NRXN3: variants seen among roughly 807,000 people sequenced by gnomAD.
NRXN3 encodes neurexin 3, also known as neurexin III.
In NRXN3, 32 loss-of-function variants were observed where a neutral mutation model predicts 137.6. That is an observed-to-expected ratio of 0.23 (90% confidence interval 0.18 to 0.31). NRXN3 has a LOEUF of 0.31. Among genes scored for constraint, NRXN3 ranks in the 10% least tolerant of loss-of-function variants. NRXN3 has a pLI of 1.00. For missense variants in NRXN3, 1,574 were observed against 2,062.5 expected, an observed-to-expected ratio of 0.76 and a Z score of 4.59; for synonymous variants, 798 against 784.5, an observed-to-expected ratio of 1.02 and a Z score of -0.29.
intron 4 of NRXN3, among the ~76,000 whole-genome samples, chr14:78,543,342 C>G (rs73324451): frequency 0.02 from 3,087 of 152,292 alleles, 91 homozygotes; most frequent in African/African-American, 0.067. Context: ...GAGAGGAAGT[C>G]TTGAGCTTTT....
At chr14:78,656,347 T>G (rs2097784705) in intron 6 of NRXN3, among the ~76,000 whole-genome samples, 1 of 151,932 alleles carries the variant, frequency 6.6e-6, no homozygotes. Context: ...GTGAGGTGCT[T>G]GAAGCCAAGT....
chr14:79,056,283 T>G (rs1193485544), intron 15 of NRXN3, among the ~76,000 whole-genome samples: 1 of 152,236 alleles, frequency 6.6e-6, no homozygotes, highest in Non-Finnish European at 1.5e-5. Flanking sequence ...GAGGGCATAG[T>G]AAGGACTAAT....
At chr14:79,519,736 A>T (rs1268064140) in intron 16 of NRXN3, among the ~76,000 whole-genome samples, 2 of 149,232 alleles carry the variant, frequency 1.3e-5, no homozygotes, top group African/African-American at 4.9e-5. Flanking sequence ...TAGTTATTAC[A>T]CTGTGATCAG....
At chr14:78,907,058 A>G (rs147187471) in intron 10 of NRXN3, among the ~76,000 whole-genome samples, 69 of 152,092 alleles carry the variant, frequency 4.5e-4, no homozygotes, top group African/African-American at 1.5e-3. Flanking sequence ...CAAAGAAACT[A>G]CCCCATAAAA....
chr14:78,601,186 C>T (rs187844835), intron 4 of NRXN3, among the ~76,000 whole-genome samples: 32 of 152,246 alleles, frequency 2.1e-4, no homozygotes, highest in East Asian at 7.7e-4. Context: ...CCTTCCAACA[C>T]ACTACTTCAG....
At chr14:78,439,837 G>A (rs1357895830) in intron 4 of NRXN3, among the ~76,000 whole-genome samples, 1 of 152,264 alleles carries the variant, frequency 6.6e-6, no homozygotes, top group East Asian at 1.9e-4. Flanking sequence ...ACACCCACAA[G>A]TAGCTCCTGA....
At chr14:79,030,397 C>T (rs142967728) in intron 15 of NRXN3, among the ~76,000 whole-genome samples, 2 of 152,154 alleles carry the variant, frequency 1.3e-5, no homozygotes, top group East Asian at 1.9e-4. Flanking sequence ...ACTCAGCAGC[C>T]GAGCATCCTG....
chr14:79,584,260 AG>A (rs1316796457), intron 16 of NRXN3, among the ~76,000 whole-genome samples: 1 of 152,126 alleles, frequency 6.6e-6, no homozygotes, highest in African/African-American at 2.4e-5. Flanking sequence ...AACCATGTCC[AG>A]GGGGTGAGCA....
rs75893168 is a variant in NRXN3, at chr14:79,323,000, A to G, written c.3263-144221A>G. 3.7e-3 allele frequency among the ~76,000 whole-genome samples: 561 copies of G among 152,296 alleles called. 1 individual carries two copies. Among genetic ancestry groups the G allele is most frequent in the African/African-American group, 0.013 (520 of 41,582 alleles). ...TGACGGCAGGGGATGGATGAGGGCTATAACATCTGTTGCAATACATACACT... is the reference window on the plus strand; with the variant it reads ...TGACGGCAGGGGATGGATGAGGGCTGTAACATCTGTTGCAATACATACACT... On this transcript the variant is annotated intron_variant, in intron 15 of 20. Transcript: ENST00000335750.
chr14:79,745,564 C>A (rs1330126636), intron 19 of NRXN3, among the ~76,000 whole-genome samples: 1 of 152,134 alleles, frequency 6.6e-6, no homozygotes, highest in East Asian at 1.9e-4. Flanking sequence ...CCTTCTCAAT[C>A]CACAAGACAT....
intron 10 of NRXN3, among the ~76,000 whole-genome samples, chr14:78,858,556 G>GT (rs1225793804): frequency 6.6e-6 from 1 of 152,156 alleles, no homozygotes; most frequent in Non-Finnish European, 1.5e-5. Flanking sequence ...CCAAAAAGAT[G>GT]TAAGTAAAGG....
At chr14:78,545,148 G>C (rs577698596) in intron 4 of NRXN3, among the ~76,000 whole-genome samples, 2 of 152,138 alleles carry the variant, frequency 1.3e-5, no homozygotes, top group South Asian at 4.1e-4. Flanking sequence ...TAGAAGGAAG[G>C]TGGACAGTCT....
chr14:78,921,470 G>T (rs1208824091), intron 10 of NRXN3, among the ~76,000 whole-genome samples: 2 of 152,222 alleles, frequency 1.3e-5, no homozygotes, highest in East Asian at 1.9e-4. Flanking sequence ...ACTGGGAGGA[G>T]GAAGGAGGTG....
At chr14:78,262,326 GA>G (rs1196373215) in intron 2 of NRXN3, among the ~76,000 whole-genome samples, 3 of 152,278 alleles carry the variant, frequency 2.0e-5, no homozygotes, top group Admixed American at 6.5e-5. Flanking sequence ...AGTGTGATAG[GA>G]TGAGGGCAGC....
At position 79,068,032 on chromosome 14, in the gene NRXN3, C is replaced by T. The variant is rs369320132; in HGVS notation, c.3262+79891C>T. On this transcript the variant is annotated intron_variant, in intron 15 of 20. Transcript: ENST00000335750. Reference sequence around the variant, plus strand: ...ATGTGATCCAAAACCTCTGGACACCCTTACCCTTTCTAGATATATTTTTTC... The same window carrying T: ...ATGTGATCCAAAACCTCTGGACACCTTTACCCTTTCTAGATATATTTTTTC... 4.6e-5 allele frequency among the ~76,000 whole-genome samples: 7 copies of T among 152,074 alleles called. 1 individual carries two copies. The highest frequency in any genetic ancestry group is 1.7e-4 in the African/African-American group (7 of 41,530).
intron 16 of NRXN3, among the ~76,000 whole-genome samples, chr14:79,580,441 T>G (rs576167956): frequency 4.6e-5 from 7 of 152,048 alleles, no homozygotes; most frequent in East Asian, 3.9e-4. Flanking sequence ...TTATGTTTTT[T>G]TTTTTTTTTT....
intron 16 of NRXN3, among the ~76,000 whole-genome samples, chr14:79,586,964 C>T (rs988194903): frequency 2.0e-5 from 3 of 152,176 alleles, no homozygotes; most frequent in Admixed American, 6.5e-5. Flanking sequence ...TCTCCTGACT[C>T]AAGTGAATCT....
intron 4 of NRXN3, among the ~76,000 whole-genome samples, chr14:78,386,340 G>C (rs1327970626): frequency 1.3e-5 from 2 of 152,076 alleles, no homozygotes; most frequent in Non-Finnish European, 2.9e-5. Context: ...ATGGTCTTAG[G>C]GGTCATTAAT....
intron 19 of NRXN3, among the ~76,000 whole-genome samples, chr14:79,746,690 A>T (rs775429103): frequency 6.6e-6 from 1 of 152,152 alleles, no homozygotes; most frequent in Non-Finnish European, 1.5e-5. Flanking sequence ...AGGGAACAAA[A>T]GACAGCTGGT....
Sources: gnomAD v4.1 joint callset for allele counts (sites outside exome capture counted in the v4.1 genomes callset) on GRCh38, gnomAD v4.1.1 for gene constraint, MANE v1.5 for transcripts, NCBI Gene and HGNC (gene_info 2026-07-23, HGNC 2026-07-21) for gene names.